The following CNTNAP5 variants were observed in gnomAD, a reference collection of about 807,000 sequenced individuals.
CNTNAP5 encodes contactin associated protein family member 5.
A neutral mutation model predicts 150.2 loss-of-function variants in CNTNAP5; 72 were observed. That is an observed-to-expected ratio of 0.48 (90% CI 0.40 to 0.58). The LOEUF (loss-of-function observed/expected upper bound fraction) is 0.58, where lower values mean the gene tolerates loss of function less well. Among genes scored for constraint, CNTNAP5 ranks in the 20% least tolerant of loss-of-function variants. The probability of loss-of-function intolerance (pLI) is 0.00; values close to 1 mark genes in which losing one functional copy is unlikely to be tolerated. For missense variants in CNTNAP5, 1,636 were observed against 1,626.2 expected, an observed-to-expected ratio of 1.01 and a Z score of -0.10; for synonymous variants, 672 against 619.8, an observed-to-expected ratio of 1.08 and a Z score of -1.25.
At chr2:124,742,123 C>A (rs1301741962) in intron 13 of CNTNAP5, among the ~76,000 whole-genome samples, 3 of 152,152 alleles carry the variant, frequency 2.0e-5, no homozygotes, top group Non-Finnish European at 2.9e-5. Context: ...AAGAGGCTCA[C>A]TGTGTTGAAA....
At chr2:124,428,741 A>G (rs2104789176) in intron 4 of CNTNAP5, among the ~76,000 whole-genome samples, 1 of 151,520 alleles carries the variant, frequency 6.6e-6, no homozygotes, top group African/African-American at 2.4e-5. Context: ...TTTCAGGGCT[A>G]CTAAGAACAT....
At chr2:124,419,679 T>G (rs569828760) in intron 4 of CNTNAP5, among the ~76,000 whole-genome samples, 1 of 152,244 alleles carries the variant, frequency 6.6e-6, no homozygotes, top group South Asian at 2.1e-4. Context: ...CCTTGGGGAG[T>G]TGTCGGACAC....
At chr2:124,053,455 G>A (rs1367896048) in intron 1 of CNTNAP5, among the ~76,000 whole-genome samples, 1 of 152,176 alleles carries the variant, frequency 6.6e-6, no homozygotes, top group Non-Finnish European at 1.5e-5. Flanking sequence ...TCTTGAGACA[G>A]GTAAAGAACA....
chr2:124,882,801 G>C (rs1573685531), intron 21 of CNTNAP5, among the ~76,000 whole-genome samples: 1 of 152,018 alleles, frequency 6.6e-6, no homozygotes, highest in Non-Finnish European at 1.5e-5. Flanking sequence ...TGGCTGGGGA[G>C]GCCTCACAAT....
At chr2:124,110,610 G>A (rs78972834) in intron 1 of CNTNAP5, among the ~76,000 whole-genome samples, 14,266 of 152,140 alleles carry the variant, frequency 0.094, 789 homozygotes, top group Non-Finnish European at 0.13. Context: ...AGCATTTTAT[G>A]TATGTGATTT....
chr2:124,139,929 CG>C (rs1684068845), intron 1 of CNTNAP5, among the ~76,000 whole-genome samples: 1 of 151,968 alleles, frequency 6.6e-6, no homozygotes, highest in African/African-American at 2.4e-5. Context: ...CCAGTGTGTG[CG>C]CGCACCGTGC....
intron 1 of CNTNAP5, among the ~76,000 whole-genome samples, chr2:124,032,273 G>A (rs1272527914): frequency 6.6e-6 from 1 of 152,128 alleles, no homozygotes; most frequent in Non-Finnish European, 1.5e-5. Context: ...TTGCTAGCTG[G>A]AGAAATGGGA....
At chr2:124,293,881 G>GC (rs138455991) in intron 3 of CNTNAP5, among the ~76,000 whole-genome samples, 11,569 of 152,206 alleles carry the variant, frequency 0.076, 597 homozygotes, top group Non-Finnish European at 0.12. Flanking sequence ...AAAGGAAGCA[G>GC]TGAGAGTGGA....
chr2:124,729,140 G>A (rs987031078), intron 13 of CNTNAP5, among the ~76,000 whole-genome samples: 15 of 152,034 alleles, frequency 9.9e-5, no homozygotes, highest in African/African-American at 3.6e-4. Context: ...ACTGGCTGCA[G>A]GAGTCAGCCC....
intron 21 of CNTNAP5, among the ~76,000 whole-genome samples, chr2:124,891,189 G>A (rs1048413098): frequency 2.0e-5 from 3 of 151,980 alleles, no homozygotes; most frequent in Non-Finnish European, 4.4e-5. Context: ...CTAGTGGCTG[G>A]GATAGTCTGG....
At position 124,032,409 on chromosome 2, in the gene CNTNAP5, T is replaced by A. The variant is rs1419722448; in HGVS notation, c.82+6677T>A. 2.0e-5 allele frequency among the ~76,000 whole-genome samples: 3 copies of A among 152,108 alleles called. No homozygotes were observed. In the East Asian group the frequency reaches 5.8e-4, roughly 29 times the overall value. ...GTTTTTATACAGGTAATGATTATAG[T>A]CAGATTTTTTTGCTTTAAAAAAATT... On this transcript the variant is annotated intron_variant, in intron 1 of 23. Coordinates refer to ENST00000682447, the MANE Select transcript of CNTNAP5 (RefSeq NM_001367498.1).
At chr2:124,807,381 C>T (rs1480294143) in intron 19 of CNTNAP5, among the ~76,000 whole-genome samples, 2 of 152,116 alleles carry the variant, frequency 1.3e-5, no homozygotes, top group Admixed American at 6.5e-5. Flanking sequence ...TTCCTAACAC[C>T]AGCCATATGC....
chr2:124,459,272 G>A (rs764500598), intron 6 of CNTNAP5, among the ~76,000 whole-genome samples: 10 of 152,136 alleles, frequency 6.6e-5, no homozygotes, highest in African/African-American at 1.4e-4. Context: ...AGGACACCTC[G>A]AAATGTGAGA....
rs199692680 is a variant in CNTNAP5, at chr2:124,113,504, A to ATGTGTGTGTGTG, written c.82+87773_82+87774insGTGTGTGTGTGT. 4.0e-4 allele frequency among the ~76,000 whole-genome samples: 46 copies of ATGTGTGTGTGTG among 115,404 alleles called. 1 individual carries two copies. In the East Asian group the frequency reaches 0.01, roughly 26 times the overall value. 75.7% of individuals were successfully genotyped at this position (115,404 alleles called of 152,430 possible). A position where few individuals can be genotyped will look rare whatever the true frequency, so the allele number is the denominator to read the frequency against. ...ATATATCTATTCAACTGATACATATATATGTGTGTGTGTGTGTGTGTGTGT... is the reference window on the plus strand; with the variant it reads ...ATATATCTATTCAACTGATACATATATGTGTGTGTGTGTATGTGTGTGTGTGTGTGTGTGTGT... On this transcript the variant is annotated intron_variant, in intron 1 of 23. Transcript: ENST00000682447.
intron 1 of CNTNAP5, among the ~76,000 whole-genome samples, chr2:124,076,756 G>T (rs1054921837): frequency 2.0e-5 from 3 of 152,054 alleles, no homozygotes; most frequent in African/African-American, 4.8e-5. Context: ...CTGAAAAATG[G>T]TAATGAAAGT....
chr2:124,432,993 T>G (rs1350685530), intron 4 of CNTNAP5, among the ~76,000 whole-genome samples: 1 of 152,266 alleles, frequency 6.6e-6, no homozygotes, highest in Non-Finnish European at 1.5e-5. Flanking sequence ...GCACATGTAC[T>G]TCTCAAAGCA....
chr2:124,194,366 CATATATATATAT>C (rs1189694569), intron 1 of CNTNAP5, among the ~76,000 whole-genome samples: 11 of 101,230 alleles, frequency 1.1e-4, no homozygotes, highest in African/African-American at 4.6e-4. Flanking sequence ...TAAATTAGGT[CATATATATATAT>C]ATATATATAT....
intron 19 of CNTNAP5, among the ~76,000 whole-genome samples, chr2:124,816,375 G>T (rs1682361118): frequency 6.6e-6 from 1 of 151,292 alleles, no homozygotes; most frequent in Non-Finnish European, 1.5e-5. Flanking sequence ...TGTAGTTTTG[G>T]TTCCTATTTT....
intron 19 of CNTNAP5, among the ~76,000 whole-genome samples, chr2:124,826,824 C>T: frequency 6.6e-6 from 1 of 152,152 alleles, no homozygotes; most frequent in Non-Finnish European, 1.5e-5. Flanking sequence ...GTGTACCTTC[C>T]CAGACCTCTT....
Sources: allele counts gnomAD v4.1 joint callset (sites outside exome capture counted in the v4.1 genomes callset), GRCh38; gene constraint gnomAD v4.1.1; transcripts MANE v1.5; gene names NCBI Gene and HGNC (gene_info 2026-07-23, HGNC 2026-07-21).